DRAM1: variants seen among roughly 807,000 people sequenced by gnomAD.
The protein encoded by DRAM1 is DNA damage regulated autophagy modulator 1.
DRAM1 carries 25 observed loss-of-function variants against 28.5 expected under a neutral mutation model. The observed-to-expected ratio is 0.88, with a 90% CI of 0.64 to 1.23. The LOEUF is 1.23. Among genes scored for constraint, DRAM1 ranks in the 50% most tolerant of loss-of-function variants. The pLI is 0.00. For missense variants in DRAM1, 249 were observed against 299.2 expected, an observed-to-expected ratio of 0.83 and a Z score of 1.24; for synonymous variants, 113 against 114.2, an observed-to-expected ratio of 0.99 and a Z score of 0.07.
chr12:101,906,148 T>C (rs948932231), intron 3 of DRAM1, among the ~76,000 whole-genome samples: 1 of 152,356 alleles, frequency 6.6e-6, no homozygotes, highest in East Asian at 1.9e-4. Context: ...AGTGCAGTCA[T>C]ATTTGAATAT....
In DRAM1 at chr12:101,918,703, A is replaced by C. The variant is rs550272679; in HGVS notation, c.580-1406A>C. On this transcript the variant is annotated intron_variant, in intron 5 of 6. Transcript: ENST00000258534. ...AGAAGAGCAGTGGGCTCAGCCCTCA[A>C]CAGCACATGCCAAGGGCAGAGCAGC... Among the ~76,000 whole-genome samples the C allele has an allele frequency of 1.1e-3, 163 of 152,316 alleles. 1 individual carries two copies. Among genetic ancestry groups the C allele is most frequent in the African/African-American group, 3.7e-3 (155 of 41,574 alleles).
At chr12:101,902,118 A>G (rs1873628149) in intron 3 of DRAM1, among the ~76,000 whole-genome samples, 1 of 152,144 alleles carries the variant, frequency 6.6e-6, no homozygotes, top group Non-Finnish European at 1.5e-5. Context: ...TTCAAAGAGG[A>G]GGCTCCCGGT....
intron 1 of DRAM1, among the ~76,000 whole-genome samples, chr12:101,886,638 A>G (rs1594292050): frequency 6.6e-6 from 1 of 152,210 alleles, no homozygotes; most frequent in Admixed American, 6.5e-5. Flanking sequence ...ACTGAAGCCA[A>G]TGGCCTCTGA....
intron 1 of DRAM1, among the ~76,000 whole-genome samples, chr12:101,879,204 G>A (rs1327358058): frequency 6.6e-6 from 1 of 151,970 alleles, no homozygotes; most frequent in Non-Finnish European, 1.5e-5. Context: ...CACTATGTTG[G>A]TCAGGCTGGT....
intron 1 of DRAM1, among the ~76,000 whole-genome samples, chr12:101,878,260 A>G (rs1872566793): frequency 6.6e-6 from 1 of 152,168 alleles, no homozygotes; most frequent in African/African-American, 2.4e-5. Flanking sequence ...GATGACATAT[A>G]TTATACAAGA....
intron 1 of DRAM1, among the ~76,000 whole-genome samples, chr12:101,880,716 G>A (rs1872661404): frequency 6.6e-6 from 1 of 152,174 alleles, no homozygotes; most frequent in Admixed American, 6.6e-5. Flanking sequence ...AGAGGTGTCT[G>A]ATGTAGTTGT....
rs1306906490 is a variant in DRAM1, at chr12:101,901,301, G to C, written c.210G>C (p.Thr70=). The change falls in exon 3 of 7, where the codon ACG becomes ACC. Residue 70 remains threonine (T), a synonymous_variant. Coordinates refer to ENST00000258534, the MANE Select transcript of DRAM1 (RefSeq NM_018370.3). ...TCTCTTCTTTTTCAGGTGCAGCCAC[G>C]ATGTATACAAGATACAAAATAGTAC... ...INFSAFLGAA[T]MYTRYKIVQK... is the part of the protein sequence containing the mutation. 3 of 1,612,236 alleles carry C rather than the reference G, an allele frequency of 1.9e-6. No individual in the cohort carries two copies. In the East Asian group the frequency reaches 6.7e-5, roughly 36 times the overall value.
chr12:101,915,649 TCTC>T (rs1379170240), intron 5 of DRAM1, among the ~76,000 whole-genome samples: 1 of 151,832 alleles, frequency 6.6e-6, no homozygotes, highest in Non-Finnish European at 1.5e-5. Flanking sequence ...TTCAAGCAGT[TCTC>T]CTGTCTCAGC....
chr12:101,923,541 T>C lies in DRAM1; in HGVS notation c.*2281T>C, dbSNP rs1383898744. 1.3e-5 allele frequency: 2 copies of C among 152,246 alleles called. No individual in the cohort carries two copies. Among genetic ancestry groups the C allele is most frequent in the African/African-American group, 2.4e-5 (1 of 41,464 alleles). The allele number at this position is 152,246 out of a possible 1,614,324, so 9.4% of individuals were successfully genotyped here. On this transcript the variant is annotated 3_prime_UTR_variant, in exon 7 of 7. Coordinates refer to ENST00000258534, the MANE Select transcript of DRAM1 (RefSeq NM_018370.3). Reference sequence around the variant, plus strand: ...AAATGAAGGAATGACTAAGGATGTTTGTAGTGCTATAATATAGAATGGGAT... The same window carrying C: ...AAATGAAGGAATGACTAAGGATGTTCGTAGTGCTATAATATAGAATGGGAT...
chr12:101,910,953 A>G (rs1249654140), intron 4 of DRAM1, among the ~76,000 whole-genome samples: 1 of 152,070 alleles, frequency 6.6e-6, no homozygotes, highest in Non-Finnish European at 1.5e-5. Flanking sequence ...ATCTTTAAAT[A>G]GGCTAGGTGC....
chr12:101,904,843 G>A (rs11111079), intron 3 of DRAM1, among the ~76,000 whole-genome samples: 49,113 of 151,864 alleles, frequency 0.32, 8,025 homozygotes, highest in East Asian at 0.39. Context: ...AAAGAGTGCC[G>A]GGTTTTAACT....
At chr12:101,915,234 C>T (rs1874194242) in intron 5 of DRAM1, among the ~76,000 whole-genome samples, 1 of 152,126 alleles carries the variant, frequency 6.6e-6, no homozygotes, top group African/African-American at 2.4e-5. Context: ...CCACCTCGGC[C>T]TCCCAAAATG....
intron 1 of DRAM1, among the ~76,000 whole-genome samples, chr12:101,884,257 G>A (rs1420945536): frequency 7.5e-6 from 1 of 134,004 alleles, no homozygotes; most frequent in Non-Finnish European, 1.5e-5. Context: ...AGCGTGGTAG[G>A]ATGCACCTAC....
intron 1 of DRAM1, among the ~76,000 whole-genome samples, chr12:101,888,097 A>C (rs1872956535): frequency 6.6e-6 from 1 of 152,170 alleles, no homozygotes; most frequent in Admixed American, 6.5e-5. Context: ...AAAGGTAGGC[A>C]TGCCATTTAA....
intron 3 of DRAM1, 88 bp from the exon 4 acceptor site, chr12:101,908,098 G>T: frequency 8.7e-7 from 1 of 1,152,276 alleles, no homozygotes; most frequent in Non-Finnish European, 1.2e-6. Context: ...GATGACCAAT[G>T]GCTCAAAGCA....
chr12:101,882,190 G>A (rs760850769), intron 1 of DRAM1, among the ~76,000 whole-genome samples: 36 of 143,790 alleles, frequency 2.5e-4, no homozygotes, highest in Admixed American at 1.3e-3. Context: ...CTCACTGCAA[G>A]CTCCGCCTCC....
In DRAM1 at chr12:101,895,918, G is replaced by T. The variant is rs558995703; in HGVS notation, c.132-1945G>T. Among the ~76,000 whole-genome samples the T allele has an allele frequency of 4.8e-4, 72 of 150,842 alleles. 1 individual carries two copies. The highest frequency in any genetic ancestry group is 1.8e-3 in the African/African-American group (72 of 41,048). ...TTTCTTTTTTTTGAGACGGAGTCTT[G>T]CTCTGTTGCCCAGGCTGGAGTGCAA... On this transcript the variant is annotated intron_variant, in intron 1 of 6. Transcript: ENST00000258534.
At chr12:101,901,149 G>T (rs1423249267) in intron 2 of DRAM1, 142 bp from the exon 3 acceptor site, 3 of 706,068 alleles carry the variant, frequency 4.2e-6, no homozygotes, top group Non-Finnish European at 7.0e-6. Flanking sequence ...GAGAGAGTAA[G>T]ATGGAGTCAG....
chr12:101,884,021 T>C (rs1279643661), intron 1 of DRAM1, among the ~76,000 whole-genome samples: 1 of 150,042 alleles, frequency 6.7e-6, no homozygotes, highest in African/African-American at 2.5e-5. Flanking sequence ...TAAAGTGATA[T>C]TTCTTATTCT....
Sources: gnomAD v4.1 joint callset for allele counts (sites outside exome capture counted in the v4.1 genomes callset) on GRCh38, gnomAD v4.1.1 for gene constraint, MANE v1.5 for transcripts, NCBI Gene and HGNC (gene_info 2026-07-23, HGNC 2026-07-21) for gene names.